Variants in ZFC3H1 observed in about 807,000 individuals in gnomAD.
ZFC3H1 encodes zinc finger C3H1-type containing, also known as zinc finger C3H1 domain-containing protein.
A neutral mutation model predicts 243.7 loss-of-function variants in ZFC3H1; 71 were observed. The ratio of observed to expected loss-of-function variants is 0.29; its 90% CI spans 0.24 to 0.36. ZFC3H1 has a LOEUF of 0.36. Ranked by LOEUF, ZFC3H1 falls within the 10% of genes least tolerant of loss-of-function variation. The pLI is 1.00. For synonymous variants in ZFC3H1, 838 were observed against 813.0 expected (o/e 1.03, Z -0.52); for missense variants, 1,966 against 2,317.1 (o/e 0.85, Z 3.11).
intron 5 of ZFC3H1, among the ~76,000 whole-genome samples, chr12:71,643,031 G>T (rs1366130735): frequency 6.6e-6 from 1 of 152,114 alleles, no homozygotes; most frequent in Non-Finnish European, 1.5e-5. Context: ...TTTATCTATT[G>T]TATGTTGTTT....
Position 71,634,246 on chromosome 12 carries a change from C to G in ZFC3H1, c.2419G>C (p.Ala807Pro). ...CCATCAATTTCCACATCAGAGTTTG[C>G]TGGGGATGATGAACTTGTCTTCAGC... ...DQLKTSSSSP[A>P]NSDVEIDGIG... Residue 807 changes from alanine to proline, a missense_variant, in exon 12 of 35, where the codon GCA becomes CCA. This residue lies in a region of ZFC3H1 where 1,383 missense variants were observed against 1,723.7 expected (regional missense o/e 0.80). Coordinates refer to ENST00000378743, the MANE Select transcript of ZFC3H1 (RefSeq NM_144982.5). The G allele has an allele frequency of 6.2e-7, 1 of 1,613,992 alleles. No individual in the cohort carries two copies. Among genetic ancestry groups the G allele is most frequent in the Non-Finnish European group, 8.5e-7 (1 of 1,179,938 alleles).
At chr12:71,656,077 G>A (rs2137562311) in intron 2 of ZFC3H1, among the ~76,000 whole-genome samples, 1 of 152,198 alleles carries the variant, frequency 6.6e-6, no homozygotes, top group Non-Finnish European at 1.5e-5. Context: ...TCTGGAAAAG[G>A]CAAAACTATA....
At chr12:71,643,609 C>T (rs766805293) in intron 5 of ZFC3H1, among the ~76,000 whole-genome samples, 2 of 151,840 alleles carry the variant, frequency 1.3e-5, no homozygotes, top group Non-Finnish European at 2.9e-5. Context: ...AAAGACAAGA[C>T]GACAAGTATA....
chr12:71,649,097 AAAAAAAAAAAAAAG>A (rs909846470), intron 2 of ZFC3H1, among the ~76,000 whole-genome samples: 6 of 150,980 alleles, frequency 4.0e-5, no homozygotes, highest in Non-Finnish European at 5.9e-5. Flanking sequence ...GTCTCAAAAA[AAAAAAAAAAAAAAG>A]AAAAGAAAAG....
chr12:71,663,769 A>ACCCCAGCT lies in ZFC3H1; in HGVS notation c.-167_-160dup. 1.3e-6 allele frequency: 1 copy of ACCCCAGCT among 786,786 alleles called. No homozygotes were observed. Among genetic ancestry groups the ACCCCAGCT allele is most frequent in the Non-Finnish European group, 2.0e-6 (1 of 501,788 alleles). The allele number at this position is 786,786 out of a possible 1,614,324, so 48.7% of individuals were successfully genotyped here. On this transcript the variant is annotated 5_prime_UTR_variant, in exon 1 of 35. Transcript: ENST00000378743. ...CTCCCCAACTTCCCCGCACCCCAGC[A>ACCCCAGCT]CCCCAGCTCTCTCTCGCCGGACCGT...
rs539272030 is a variant in ZFC3H1, at chr12:71,650,202, G to C, written c.1016-2389C>G. On this transcript the variant is annotated intron_variant, in intron 2 of 34. Transcript: ENST00000378743. ...GAGTCAGGAGAATGGTGTGAACCTG[G>C]GAGGTGGAGCTTGCAGTGAGCTGAG... is the stretch of plus-strand genomic sequence containing the variant. 2.7e-4 allele frequency among the ~76,000 whole-genome samples: 41 copies of C among 152,090 alleles called. 1 individual carries two copies. In the South Asian group the frequency reaches 6.0e-3, roughly 22 times the overall value.
Position 71,632,115 on chromosome 12 carries a change from TAA to T in ZFC3H1, c.3215_3216del (p.Leu1072GlnfsTer2). ...TCTGGTTTTTCTACAGTATTTTTATTAAGTTTGTTTATGCATTCTTTGTTAGC... is the reference window on the plus strand; with the variant it reads ...TCTGGTTTTTCTACAGTATTTTTATTGTTTGTTTATGCATTCTTTGTTAGC... The part of the protein sequence containing the change: ...DTANKECINK[L>X]NKNTVEKPEL... On this transcript the variant is annotated frameshift_variant, in exon 15 of 35. Transcript: ENST00000378743. LOFTEE classifies it high-confidence loss of function. 1 of 1,610,356 alleles carries T rather than the reference TAA, an allele frequency of 6.2e-7. No homozygotes were observed. The highest frequency in any genetic ancestry group is 8.5e-7 in the Non-Finnish European group (1 of 1,178,972).
At chr12:71,657,418 G>C in intron 1 of ZFC3H1, 117 bp from the exon 2 acceptor site, 1 of 821,988 alleles carries the variant, frequency 1.2e-6, no homozygotes, top group East Asian at 2.8e-5. Context: ...AAAATGAATC[G>C]ATATTTTTAA....
chr12:71,631,068 G>T, intron 16 of ZFC3H1, 114 bp from the exon 17 acceptor site: 1 of 1,072,564 alleles, frequency 9.3e-7, no homozygotes, highest in Non-Finnish European at 1.2e-6. Flanking sequence ...CTATTTATGA[G>T]CTATTTATCT....
Position 71,657,192 on chromosome 12 carries a change from C to A in ZFC3H1, c.708G>T (p.Gln236His), listed in dbSNP as rs1271337906. ...EDLLLKYKQI[Q>H]LELECINKDE... is the part of the protein sequence containing the mutation. ...CCTTATTGATGCATTCTAGTTCCAA[C>A]TGTATTTGTTTATACTTTAAAAGCA... The change falls in exon 2 of 35, where the codon CAG becomes CAT. Residue 236 changes from glutamine (Q) to histidine (H), a missense_variant. Physicochemically the swap from Gln to His is conservative, Grantham distance 24. This residue lies in a region of ZFC3H1 where 484 missense variants were observed against 449.7 expected (regional missense o/e 1.08). Coordinates refer to ENST00000378743, the MANE Select transcript of ZFC3H1 (RefSeq NM_144982.5). 3 of 1,613,398 alleles carry A rather than the reference C, an allele frequency of 1.9e-6. No individual in the cohort carries two copies. Among genetic ancestry groups the A allele is most frequent in the Middle Eastern group, 1.7e-4 (1 of 6,058 alleles).
Position 71,645,174 on chromosome 12 carries a change from A to G in ZFC3H1, c.1081-99T>C, listed in dbSNP as rs1032902794. ...CTTTATGATAAAAATTTGAAGTGTGAAGGCAAATATGACAAGGCAAATACA... is the reference window on the plus strand; with the variant it reads ...CTTTATGATAAAAATTTGAAGTGTGGAGGCAAATATGACAAGGCAAATACA... On this transcript the variant is annotated intron_variant, in intron 3 of 34. Transcript: ENST00000378743. The G allele has an allele frequency of 2.0e-5, 23 of 1,156,612 alleles. No individual in the cohort carries two copies. In the African/African-American group the frequency reaches 3.4e-4, roughly 17 times the overall value. 71.6% of individuals were successfully genotyped at this position (1,156,612 alleles called of 1,614,324 possible). A position where few individuals can be genotyped will look rare whatever the true frequency, so the allele number is the denominator to read the frequency against.
chr12:71,625,990 A>C (rs17110040), intron 22 of ZFC3H1, among the ~76,000 whole-genome samples: 1 of 152,126 alleles, frequency 6.6e-6, no homozygotes, highest in Admixed American at 6.5e-5. Flanking sequence ...TAAGTGTGAA[A>C]TTTTTAACAA....
chr12:71,644,436 T>G (rs1880677494), intron 4 of ZFC3H1, 118 bp from the exon 5 acceptor site: 2 of 1,109,752 alleles, frequency 1.8e-6, no homozygotes, highest in East Asian at 5.2e-5. Context: ...GTTGTTTATA[T>G]AAGATTGTCT....
chr12:71,637,103 AC>A, intron 7 of ZFC3H1, 44 bp from the exon 8 acceptor site: 1 of 1,509,836 alleles, frequency 6.6e-7, no homozygotes. Context: ...AATTTTATCA[AC>A]TCAAATGCTT....
Position 71,659,525 on chromosome 12 carries a change from T to C in ZFC3H1, c.599-2224A>G, listed in dbSNP as rs6582046. 8.5e-3 allele frequency among the ~76,000 whole-genome samples: 1,291 copies of C among 152,022 alleles called. 18 individuals carry two copies. The highest frequency in any genetic ancestry group is 0.029 in the African/African-American group (1,209 of 41,430). ...TCTTTGTATGTAAGTTCTGTAATTA[T>C]CTGCATTTACATCTTACTTTTCACT... On this transcript the variant is annotated intron_variant, in intron 1 of 34. Coordinates refer to ENST00000378743, the MANE Select transcript of ZFC3H1 (RefSeq NM_144982.5).
intron 1 of ZFC3H1, among the ~76,000 whole-genome samples, chr12:71,660,056 T>C (rs984867298): frequency 3.9e-5 from 6 of 152,224 alleles, no homozygotes; most frequent in African/African-American, 1.4e-4. Flanking sequence ...TCTTAGTTAT[T>C]ACAGTGAAAG....
chr12:71,623,226 TG>T, intron 24 of ZFC3H1, 133 bp downstream of exon 24: 1 of 763,446 alleles, frequency 1.3e-6, no homozygotes, highest in Admixed American at 3.6e-5. Context: ...TAATAAATTG[TG>T]AAACTAAAAC....
intron 2 of ZFC3H1, among the ~76,000 whole-genome samples, chr12:71,654,922 C>T (rs1036137730): frequency 6.6e-5 from 10 of 151,968 alleles, no homozygotes; most frequent in African/African-American, 2.4e-4. Flanking sequence ...GTCTTTTAGG[C>T]AAAAACATCA....
At chr12:71,628,174 T>C (rs1019961678) in intron 20 of ZFC3H1, among the ~76,000 whole-genome samples, 1 of 152,218 alleles carries the variant, frequency 6.6e-6, no homozygotes, top group Non-Finnish European at 1.5e-5. Context: ...ATTAGAACTC[T>C]GCTATTTTAA....
Sources: gnomAD v4.1 joint callset for allele counts (sites outside exome capture counted in the v4.1 genomes callset) on GRCh38, gnomAD v4.1.1 for gene constraint, gnomAD v4.1.1 regional missense constraint, MANE v1.5 for transcripts, NCBI Gene and HGNC (gene_info 2026-07-23, HGNC 2026-07-21) for gene names.